The following PCDHA2 variants were observed in gnomAD, a reference collection of about 807,000 sequenced individuals.
The protein encoded by PCDHA2 is protocadherin alpha-2.
A neutral mutation model predicts 66.0 loss-of-function variants in PCDHA2; 58 were observed. The observed-to-expected ratio is 0.88, with a 90% confidence interval of 0.71 to 1.09. PCDHA2 has a LOEUF of 1.09. Among genes scored for constraint, PCDHA2 ranks in the 50% least tolerant of loss-of-function variants. The pLI is 0.00. For synonymous variants in PCDHA2, 634 were observed against 554.0 expected (o/e 1.14, Z -2.03); for missense variants, 1,267 against 1,242.3 (o/e 1.02, Z -0.30).
chr5:140,800,945 A>C (rs1554121249), intron 1 of PCDHA2: 4 of 1,049,076 alleles, frequency 3.8e-6, no homozygotes, highest in Non-Finnish European at 5.0e-6. Context: ...GAAAGTTCAA[A>C]CGACATACAA....
At chr5:140,869,740 A>G in intron 1 of PCDHA2, 1 of 1,613,346 alleles carries the variant, frequency 6.2e-7, no homozygotes, top group Non-Finnish European at 8.5e-7. Flanking sequence ...TTTGCTGCTA[A>G]CAGCTACAGA....
chr5:140,928,863 C>T (rs1554206433), intron 1 of PCDHA2: 8 of 1,614,172 alleles, frequency 5.0e-6, no homozygotes, highest in Middle Eastern at 1.7e-4. Context: ...TGCTGTTGAG[C>T]AACTCTGTCC....
intron 1 of PCDHA2, chr5:140,862,002 T>C (rs1430406580): frequency 6.4e-6 from 1 of 155,594 alleles, no homozygotes; most frequent in Non-Finnish European, 1.4e-5. Context: ...CACTGGTTAT[T>C]AGACTTAACC....
At chr5:141,002,726 A>C (rs1488452359) in intron 3 of PCDHA2, among the ~76,000 whole-genome samples, 1 of 152,250 alleles carries the variant, frequency 6.6e-6, no homozygotes, top group Non-Finnish European at 1.5e-5. Context: ...GGAAGGGCAC[A>C]GTAAATGTTA....
At chr5:140,802,598 C>G (rs922814873) in intron 1 of PCDHA2, 1 of 1,613,984 alleles carries the variant, frequency 6.2e-7, no homozygotes, top group East Asian at 2.2e-5. Flanking sequence ...TGAAGGAGAA[C>G]AACCCGCCGG....
intron 1 of PCDHA2, chr5:140,871,014 C>T (rs1554164974): frequency 1.2e-6 from 2 of 1,613,178 alleles, no homozygotes; most frequent in Admixed American, 1.7e-5. Flanking sequence ...GTGCCCTGGA[C>T]GAGGCAGACT....
At chr5:140,834,109 A>G in intron 1 of PCDHA2, 1 of 406,184 alleles carries the variant, frequency 2.5e-6, no homozygotes, top group South Asian at 5.5e-5. Context: ...AAAAATTCAG[A>G]GTTTGAAATA....
chr5:141,003,406 G>A (rs2098122557), intron 3 of PCDHA2, among the ~76,000 whole-genome samples: 1 of 152,134 alleles, frequency 6.6e-6, no homozygotes, highest in African/African-American at 2.4e-5. Flanking sequence ...CCGCCTCCCG[G>A]GTTCGAGTGA....
At chr5:140,988,672 G>A (rs1269904309) in intron 3 of PCDHA2, among the ~76,000 whole-genome samples, 1 of 152,180 alleles carries the variant, frequency 6.6e-6, no homozygotes, top group Non-Finnish European at 1.5e-5. Context: ...TAGACTCTAA[G>A]ATAATTCTTT....
rs140697336 is a variant in PCDHA2 at position 140,835,530 on chromosome 5, G to C, written c.2388+38178G>C. On this transcript the variant is annotated intron_variant, in intron 1 of 3. Transcript: ENST00000526136. ...GTTTGACCGAGATTTTGGAGTCAAC[G>C]GACAGGTTACCTGCTCCCTGACGCC... 1.3e-4 allele frequency: 204 copies of C among 1,613,820 alleles called. 2 individuals carry two copies. The highest frequency in any genetic ancestry group is 2.2e-4 in the Admixed American group (13 of 59,990).
intron 1 of PCDHA2, chr5:140,929,903 C>T (rs11747154): frequency 0.12 from 17,815 of 152,352 alleles, 1,161 homozygotes; most frequent in Middle Eastern, 0.19. Context: ...ATCTTTAATA[C>T]GATATACCAT....
intron 1 of PCDHA2, chr5:140,850,209 G>A (rs2150473302): frequency 1.9e-6 from 3 of 1,593,574 alleles, no homozygotes; most frequent in African/African-American, 2.7e-5. Context: ...TCGGATGAGG[G>A]GCACTGACGG....
intron 1 of PCDHA2, chr5:140,859,549 C>A (rs958434264): frequency 5.0e-5 from 9 of 181,676 alleles, no homozygotes; most frequent in Non-Finnish European, 9.0e-5. Context: ...CTAGTGTTAC[C>A]AAACACCAAT....
chr5:140,931,395 C>T lies in PCDHA2; in HGVS notation c.2389-47554C>T, dbSNP rs141099105. Among the ~76,000 whole-genome samples the T allele has an allele frequency of 5.8e-3, 884 of 151,620 alleles. 4 individuals carry two copies. The highest frequency in any genetic ancestry group is 0.021 in the African/African-American group (851 of 41,384). ...AGACTAGAAAGGAAACATAAGTAAG[C>T]GATAGGAAGGCTGATGAATCTAGAA... On this transcript the variant is annotated intron_variant, in intron 1 of 3. Coordinates refer to ENST00000526136, the MANE Select transcript of PCDHA2 (RefSeq NM_018905.3).
intron 1 of PCDHA2, chr5:140,870,904 G>A (rs1554164810): frequency 1.9e-6 from 3 of 1,613,840 alleles, no homozygotes; most frequent in African/African-American, 2.7e-5. Context: ...TGCGGACTCA[G>A]GCTACAACGC....
At chr5:140,980,852 T>G (rs1233523507) in intron 2 of PCDHA2, among the ~76,000 whole-genome samples, 5 of 152,184 alleles carry the variant, frequency 3.3e-5, no homozygotes, top group African/African-American at 1.2e-4. Flanking sequence ...TACTAATCTT[T>G]TTCGTATGTG....
rs1337120304 is a variant in PCDHA2, at chr5:140,839,855, G to A, written c.2388+42503G>A. The stretch of plus-strand genomic sequence containing the variant: ...ATGAATCCATGGAGAATTTACTTTT[G>A]AGGTGGACTTTGAAAGATGAATAGA... On this transcript the variant is annotated intron_variant, in intron 1 of 3. Coordinates refer to ENST00000526136, the MANE Select transcript of PCDHA2 (RefSeq NM_018905.3). Among the ~76,000 whole-genome samples, 4 of 151,970 alleles carry A rather than the reference G, an allele frequency of 2.6e-5. 1 individual carries two copies. The highest frequency in any genetic ancestry group is 9.7e-5 in the African/African-American group (4 of 41,328).
At position 140,877,725 on chromosome 5, in the gene PCDHA2, G is replaced by T. The variant is rs570815670; in HGVS notation, c.2388+80373G>T. On this transcript the variant is annotated intron_variant, in intron 1 of 3. Coordinates refer to ENST00000526136, the MANE Select transcript of PCDHA2 (RefSeq NM_018905.3). Reference sequence around the variant, plus strand: ...GCGCCGTGGGGAGTTGGTCTTACTCGCAGCAGAGGAGGCAGAGGGTGTGCT... The same window carrying T: ...GCGCCGTGGGGAGTTGGTCTTACTCTCAGCAGAGGAGGCAGAGGGTGTGCT... 5.6e-6 allele frequency: 9 copies of T among 1,614,124 alleles called. No individual in the cohort carries two copies. The South Asian group carries it at 8.8e-5, about 16-fold the overall frequency.
rs2150354219 is a variant in PCDHA2 at position 140,843,163 on chromosome 5, T to G, written c.2388+45811T>G. On this transcript the variant is annotated intron_variant, in intron 1 of 3. Coordinates refer to ENST00000526136, the MANE Select transcript of PCDHA2 (RefSeq NM_018905.3). ...GGCTTTCGTATGAGCTGCAGCCAGCTGCAAGCAGCCCTCGCATCCCGTTCC... is the reference window on the plus strand; with the variant it reads ...GGCTTTCGTATGAGCTGCAGCCAGCGGCAAGCAGCCCTCGCATCCCGTTCC... 3.6e-5 allele frequency: 58 copies of G among 1,595,956 alleles called. 4 individuals carry two copies. The South Asian group carries it at 6.1e-4, about 17-fold the overall frequency.
Sources: allele counts gnomAD v4.1 joint callset (sites outside exome capture counted in the v4.1 genomes callset), GRCh38; gene constraint gnomAD v4.1.1; transcripts MANE v1.5; gene names NCBI Gene and HGNC (gene_info 2026-07-23, HGNC 2026-07-21).